CAP2: variants seen among roughly 807,000 people sequenced by gnomAD.
CAP2 encodes cyclase associated actin cytoskeleton regulatory protein 2, also known as adenylyl cyclase-associated protein 2.
CAP2 carries 24 observed loss-of-function variants against 57.7 expected under a neutral mutation model. The observed-to-expected ratio is 0.42, with a 90% CI of 0.30 to 0.58. The LOEUF (loss-of-function observed/expected upper bound fraction) is 0.58, where lower values mean the gene tolerates loss of function less well. CAP2 is among the 20% of genes least tolerant of loss of function. CAP2 has a pLI of 0.22. For synonymous variants in CAP2, 194 were observed against 207.2 expected, an observed-to-expected ratio of 0.94 and a Z score of 0.55; for missense variants, 501 against 590.3, an observed-to-expected ratio of 0.85 and a Z score of 1.57.
chr6:17,450,691 C>T (rs1760378796), intron 3 of CAP2, among the ~76,000 whole-genome samples: 1 of 152,204 alleles, frequency 6.6e-6, no homozygotes, highest in Non-Finnish European at 1.5e-5. Flanking sequence ...CTAACACTGA[C>T]ATTCTCAATC....
intron 12 of CAP2, among the ~76,000 whole-genome samples, chr6:17,553,799 T>C (rs775557652): frequency 6.6e-6 from 1 of 152,084 alleles, no homozygotes; most frequent in Non-Finnish European, 1.5e-5. Flanking sequence ...GAAATTGGTC[T>C]CCCAGAGAAG....
At chr6:17,419,433 A>T (rs2113529031) in intron 1 of CAP2, among the ~76,000 whole-genome samples, 1 of 152,266 alleles carries the variant, frequency 6.6e-6, no homozygotes. Flanking sequence ...GTCGTCTCTT[A>T]AGGAGCAGCA....
At chr6:17,445,585 G>A (rs1760235804) in intron 3 of CAP2, among the ~76,000 whole-genome samples, 1 of 152,144 alleles carries the variant, frequency 6.6e-6, no homozygotes, top group Non-Finnish European at 1.5e-5. Context: ...TTTTGGTGGG[G>A]ACTTTACTGT....
At chr6:17,442,820 C>A (rs368938904) in intron 3 of CAP2, among the ~76,000 whole-genome samples, 2 of 151,790 alleles carry the variant, frequency 1.3e-5, no homozygotes, top group Non-Finnish European at 2.9e-5. Context: ...TGGGTTCAAG[C>A]GATCCTCGTG....
intron 3 of CAP2, among the ~76,000 whole-genome samples, chr6:17,436,090 C>CTTTCTTTCT (rs1561782691): frequency 1.1e-3 from 72 of 64,006 alleles, no homozygotes; most frequent in Middle Eastern, 8.8e-3. Context: ...TCTTTCTTTC[C>CTTTCTTTCT]TTCCTTCCTT....
chr6:17,504,493 T>C (rs1761921971), intron 4 of CAP2, among the ~76,000 whole-genome samples: 1 of 152,192 alleles, frequency 6.6e-6, no homozygotes, highest in African/African-American at 2.4e-5. Flanking sequence ...ACTAACCATA[T>C]TTTTCTCAGC....
At chr6:17,442,925 C>A (rs1455864431) in intron 3 of CAP2, among the ~76,000 whole-genome samples, 1 of 152,044 alleles carries the variant, frequency 6.6e-6, no homozygotes, top group Non-Finnish European at 1.5e-5. Flanking sequence ...ACCATGTTGA[C>A]CAGGCTGGTC....
intron 11 of CAP2, among the ~76,000 whole-genome samples, chr6:17,547,572 T>C (rs543969768): frequency 2.0e-5 from 3 of 152,174 alleles, no homozygotes; most frequent in Admixed American, 6.5e-5. Context: ...CCGGGCACGG[T>C]GGCTCACGCC....
rs1019611231 is a variant in CAP2 at position 17,521,112 on chromosome 6, G to C, written c.636+7158G>C. 9.2e-5 allele frequency among the ~76,000 whole-genome samples: 14 copies of C among 152,264 alleles called. 1 individual carries two copies. The East Asian group carries it at 2.7e-3, about 29-fold the overall frequency. ...GGAAGGGTTCCACATTGCTCAACAGGGGTTAGAAGTGTCATCAACTGGCTG... is the reference window on the plus strand; with the variant it reads ...GGAAGGGTTCCACATTGCTCAACAGCGGTTAGAAGTGTCATCAACTGGCTG... On this transcript the variant is annotated intron_variant, in intron 7 of 12. Transcript: ENST00000229922.
chr6:17,410,032 T>C (rs967408883), intron 1 of CAP2, among the ~76,000 whole-genome samples: 2 of 152,214 alleles, frequency 1.3e-5, no homozygotes, highest in African/African-American at 4.8e-5. Flanking sequence ...TTACTCGTCA[T>C]TCATGCTTCC....
intron 3 of CAP2, among the ~76,000 whole-genome samples, chr6:17,458,467 T>C (rs1760634381): frequency 6.6e-6 from 1 of 152,198 alleles, no homozygotes; most frequent in African/African-American, 2.4e-5. Flanking sequence ...TACCCTTGGA[T>C]GAGAAGTGAC....
At chr6:17,484,742 A>G (rs1364377691) in intron 4 of CAP2, among the ~76,000 whole-genome samples, 1 of 152,166 alleles carries the variant, frequency 6.6e-6, no homozygotes, top group Non-Finnish European at 1.5e-5. Flanking sequence ...GATTTGTCTT[A>G]TGTAGAATTG....
At chr6:17,425,058 C>T (rs1759553172) in intron 2 of CAP2, among the ~76,000 whole-genome samples, 1 of 152,180 alleles carries the variant, frequency 6.6e-6, no homozygotes. Context: ...GAAGTTAGAA[C>T]ATACCTGCAG....
At chr6:17,484,529 T>G (rs1761374664) in intron 4 of CAP2, among the ~76,000 whole-genome samples, 1 of 152,242 alleles carries the variant, frequency 6.6e-6, no homozygotes, top group Admixed American at 6.5e-5. Flanking sequence ...AAATATCATA[T>G]TTCATTGCCA....
rs534752154 is a variant in CAP2 at position 17,478,854 on chromosome 6, C to T, written c.300+15781C>T. On this transcript the variant is annotated intron_variant, in intron 4 of 12. Transcript: ENST00000229922. ...CTTAATTGTCCTCATTCCATTCAGC[C>T]TCCTTGAAGAATTTTTACTGCTGAC... Among the ~76,000 whole-genome samples the T allele has an allele frequency of 3.3e-5, 5 of 152,262 alleles. No homozygotes were observed. In the South Asian group the frequency reaches 6.2e-4, roughly 19 times the overall value.
intron 4 of CAP2, among the ~76,000 whole-genome samples, chr6:17,483,519 A>G (rs1216659549): frequency 6.6e-6 from 1 of 152,200 alleles, no homozygotes; most frequent in Non-Finnish European, 1.5e-5. Flanking sequence ...GGTGCAGACA[A>G]GGTGACGTCA....
chr6:17,530,189 C>G (rs937449718), intron 7 of CAP2, among the ~76,000 whole-genome samples: 1 of 152,130 alleles, frequency 6.6e-6, no homozygotes, highest in Non-Finnish European at 1.5e-5. Flanking sequence ...CCTCCCACCT[C>G]AGCCTCCCAG....
At chr6:17,545,671 A>G (rs1257215283) in intron 11 of CAP2, among the ~76,000 whole-genome samples, 1 of 152,124 alleles carries the variant, frequency 6.6e-6, no homozygotes, top group African/African-American at 2.4e-5. Flanking sequence ...TACATTAGGT[A>G]TATCTCCTAA....
chr6:17,547,727 G>A (rs1055304060), intron 11 of CAP2, among the ~76,000 whole-genome samples: 2 of 151,886 alleles, frequency 1.3e-5, no homozygotes, highest in Non-Finnish European at 2.9e-5. Flanking sequence ...CATAGTCCCA[G>A]CTACTCAGGA....
Sources: allele counts gnomAD v4.1 joint callset (sites outside exome capture counted in the v4.1 genomes callset), GRCh38; gene constraint gnomAD v4.1.1; transcripts MANE v1.5; gene names NCBI Gene and HGNC (gene_info 2026-07-23, HGNC 2026-07-21).